Variants in PLCG2 observed in about 807,000 individuals in gnomAD.
PLCG2 encodes the protein 1-phosphatidylinositol 4,5-bisphosphate phosphodiesterase gamma-2.
In PLCG2, 69 loss-of-function variants were observed where a neutral mutation model predicts 175.6. The ratio of observed to expected loss-of-function variants is 0.39; its 90% CI spans 0.32 to 0.48. The LOEUF is 0.48. PLCG2 is among the 20% of genes least tolerant of loss of function. The pLI is 0.91. For missense variants in PLCG2, 1,798 were observed against 1,650.9 expected, an observed-to-expected ratio of 1.09 and a Z score of -1.54; for synonymous variants, 827 against 624.0, an observed-to-expected ratio of 1.33 and a Z score of -4.85.
chr16:81,931,443 C>CT, intron 24 of PLCG2, 54 bp from the exon 25 acceptor site: 1 of 1,571,928 alleles, frequency 6.4e-7, no homozygotes, highest in South Asian at 1.2e-5. Flanking sequence ...GCAGTCTGGT[C>CT]TTTGTGGCCC....
rs1400811264 is a variant in PLCG2 at position 81,859,112 on chromosome 16, C to G, written c.432-4C>G. ...TCTTTCTTTTGTCTCATATTTCTTT[C>G]CAGTTGGCTGAGAAAGCAGATATAT... is the stretch of plus-strand genomic sequence containing the variant. On this transcript the variant is annotated splice_region_variant and splice_polypyrimidine_tract_variant and intron_variant, in intron 4 of 32. Coordinates refer to ENST00000564138, the MANE Select transcript of PLCG2 (RefSeq NM_002661.5). The G allele has an allele frequency of 1.3e-6, 2 of 1,564,394 alleles. No homozygotes were observed. The highest frequency in any genetic ancestry group is 1.7e-5 in the Admixed American group (1 of 59,924).
chr16:81,865,627 C>T (rs565613963), intron 5 of PLCG2, among the ~76,000 whole-genome samples: 2 of 152,328 alleles, frequency 1.3e-5, no homozygotes, highest in African/African-American at 2.4e-5. Context: ...TTCCTTTGCC[C>T]TGCTGCTGTC....
chr16:81,955,751 G>A (rs193284146), intron 31 of PLCG2, among the ~76,000 whole-genome samples: 5 of 152,184 alleles, frequency 3.3e-5, no homozygotes, highest in Non-Finnish European at 2.9e-5. Flanking sequence ...AAAGTCCCAC[G>A]GATGCGTCTA....
At chr16:81,792,807 C>T (rs1372550593) in intron 2 of PLCG2, among the ~76,000 whole-genome samples, 3 of 152,104 alleles carry the variant, frequency 2.0e-5, no homozygotes, top group South Asian at 2.1e-4. Context: ...TCCTATGACA[C>T]ATGAGGATTA....
In PLCG2 at chr16:81,835,144, C is replaced by T. The variant is rs575714663; in HGVS notation, c.194-19300C>T. ...TTCACTGTGTGACCTTGGACAAGCT[C>T]CTTGTCTGCTTTGAGCCTTAGAATT... On this transcript the variant is annotated intron_variant, in intron 2 of 32. Transcript: ENST00000564138. 2.6e-5 allele frequency among the ~76,000 whole-genome samples: 4 copies of T among 152,252 alleles called. No homozygotes were observed. In the South Asian group the frequency reaches 8.3e-4, roughly 32 times the overall value.
chr16:81,826,796 C>T (rs1246262018), intron 2 of PLCG2, among the ~76,000 whole-genome samples: 4 of 152,210 alleles, frequency 2.6e-5, no homozygotes, highest in South Asian at 2.1e-4. Flanking sequence ...TTAGCTGGAA[C>T]AGCTTTACCG....
At chr16:81,790,103 C>A (rs919155158) in intron 2 of PLCG2, among the ~76,000 whole-genome samples, 12 of 152,188 alleles carry the variant, frequency 7.9e-5, no homozygotes, top group Admixed American at 2.6e-4. Context: ...GTCTACCCCA[C>A]AGGCTCATGG....
intron 12 of PLCG2, chr16:81,895,593 G>T: frequency 4.2e-6 from 2 of 476,882 alleles, no homozygotes; most frequent in East Asian, 3.4e-5. Context: ...AAGCAGCATT[G>T]AAACTAGCTT....
At chr16:81,782,689 A>AG (rs200535880) in intron 1 of PLCG2, among the ~76,000 whole-genome samples, 1 of 151,876 alleles carries the variant, frequency 6.6e-6, no homozygotes, top group Non-Finnish European at 1.5e-5. Context: ...AAATCAAGGA[A>AG]GTTTTTCTCT....
intron 7 of PLCG2, among the ~76,000 whole-genome samples, chr16:81,877,815 GGCTTGTAGATGTCATTGCATCGCTC>G: frequency 1.3e-5 from 2 of 150,416 alleles, no homozygotes; most frequent in Non-Finnish European, 2.9e-5. Flanking sequence ...ATCGCTCCTT[GGCTTGTAGATGTCATTGCATCGCTC>G]CTTGGCTTGT....
intron 2 of PLCG2, among the ~76,000 whole-genome samples, chr16:81,848,833 C>G (rs915256215): frequency 6.6e-6 from 1 of 152,180 alleles, no homozygotes; most frequent in African/African-American, 2.4e-5. Flanking sequence ...CAGATTCCAT[C>G]TAATACATAT....
At chr16:81,870,807 C>G (rs371119023) in intron 6 of PLCG2, 45 bp from the exon 7 acceptor site, 4 of 1,022,624 alleles carry the variant, frequency 3.9e-6, no homozygotes, top group African/African-American at 1.7e-5. Context: ...GCCATTCTTA[C>G]GGTGGACATC....
At chr16:81,844,431 C>G (rs964885622) in intron 2 of PLCG2, among the ~76,000 whole-genome samples, 1 of 152,194 alleles carries the variant, frequency 6.6e-6, no homozygotes, top group African/African-American at 2.4e-5. Flanking sequence ...AAGTGATTCT[C>G]CTGCCTCAGA....
At chr16:81,949,699 C>G (rs1236768983) in intron 31 of PLCG2, among the ~76,000 whole-genome samples, 3 of 152,086 alleles carry the variant, frequency 2.0e-5, no homozygotes, top group African/African-American at 7.2e-5. Flanking sequence ...TTACATCTTA[C>G]AGGATGATGA....
At chr16:81,822,111 T>G (rs1224797800) in intron 2 of PLCG2, among the ~76,000 whole-genome samples, 2 of 152,220 alleles carry the variant, frequency 1.3e-5, no homozygotes, top group Non-Finnish European at 2.9e-5. Flanking sequence ...TTTTTCAATT[T>G]TATCCTCTGT....
At chr16:81,784,488 C>CA (rs1290588922) in intron 1 of PLCG2, among the ~76,000 whole-genome samples, 1 of 152,188 alleles carries the variant, frequency 6.6e-6, no homozygotes, top group Non-Finnish European at 1.5e-5. Context: ...CCTGGCTGAA[C>CA]ACCAGCCTCT....
chr16:81,860,172 A>ATTTTTTTT (rs1555513300), intron 5 of PLCG2, among the ~76,000 whole-genome samples: 2 of 120,610 alleles, frequency 1.7e-5, no homozygotes, highest in East Asian at 2.3e-4. Context: ...TATTATTATT[A>ATTTTTTTT]TTTTTTTTTT....
chr16:81,801,083 T>C (rs577904282), intron 2 of PLCG2, among the ~76,000 whole-genome samples: 2 of 152,310 alleles, frequency 1.3e-5, no homozygotes, highest in Non-Finnish European at 2.9e-5. Context: ...ATGAGACTCA[T>C]GACTTTTGCT....
At chr16:81,808,844 G>T (rs116642266) in intron 2 of PLCG2, among the ~76,000 whole-genome samples, 1 of 152,148 alleles carries the variant, frequency 6.6e-6, no homozygotes, top group African/African-American at 2.4e-5. Flanking sequence ...CCTGGCCTCT[G>T]TTTCCCCCTA....
Sources: allele counts gnomAD v4.1 joint callset (sites outside exome capture counted in the v4.1 genomes callset), GRCh38; gene constraint gnomAD v4.1.1; transcripts MANE v1.5; gene names NCBI Gene and HGNC (gene_info 2026-07-23, HGNC 2026-07-21).